The following TOX2 variants were observed in gnomAD, a reference collection of about 807,000 sequenced individuals.
The protein encoded by TOX2 is TOX high mobility group box family member 2.
Under a neutral mutation model 47.4 loss-of-function variants are expected in TOX2, and 15 were observed. The ratio of observed to expected loss-of-function variants is 0.32; its 90% confidence interval spans 0.21 to 0.49. The LOEUF (loss-of-function observed/expected upper bound fraction) is 0.49. TOX2 is among the 20% of genes least tolerant of loss of function. TOX2 has a pLI of 0.99. For missense variants in TOX2, 622 were observed against 673.1 expected (o/e 0.92, Z 0.84); for synonymous variants, 290 against 296.6 (o/e 0.98, Z 0.23).
intron 3 of TOX2, among the ~76,000 whole-genome samples, chr20:44,026,909 G>C (rs1160157050): frequency 6.6e-6 from 1 of 152,112 alleles, no homozygotes; most frequent in African/African-American, 2.4e-5. Flanking sequence ...AGCTTTTCCT[G>C]CCGCCTCCTC....
At chr20:43,978,384 C>T (rs2070116285) in intron 2 of TOX2, among the ~76,000 whole-genome samples, 1 of 152,206 alleles carries the variant, frequency 6.6e-6, no homozygotes, top group Non-Finnish European at 1.5e-5. Context: ...GAGCCCTCTT[C>T]AAGTCACTTT....
chr20:43,939,755 C>G (rs2069377025), intron 1 of TOX2, among the ~76,000 whole-genome samples: 1 of 152,180 alleles, frequency 6.6e-6, no homozygotes, highest in South Asian at 2.1e-4. Context: ...AAAAGAAAAA[C>G]AACTCATTTC....
intron 3 of TOX2, among the ~76,000 whole-genome samples, chr20:44,047,479 A>T (rs1011262771): frequency 1.4e-4 from 1 of 7,168 alleles, no homozygotes; most frequent in Non-Finnish European, 2.1e-4. Context: ...AAGTTGTCAA[A>T]TTTTTTTAAC....
At chr20:43,948,766 A>G (rs1448667761) in intron 1 of TOX2, among the ~76,000 whole-genome samples, 1 of 152,148 alleles carries the variant, frequency 6.6e-6, no homozygotes, top group Non-Finnish European at 1.5e-5. Context: ...AGATGGGGAG[A>G]TGGGGAGTGA....
chr20:43,986,262 T>TGTAG (rs2070262563), intron 2 of TOX2, among the ~76,000 whole-genome samples: 3 of 150,880 alleles, frequency 2.0e-5, no homozygotes, highest in African/African-American at 7.3e-5. Context: ...TTAAAATGTA[T>TGTAG]GTATGTATGT....
At chr20:43,929,952 C>T (rs1485332941) in intron 1 of TOX2, among the ~76,000 whole-genome samples, 1 of 152,210 alleles carries the variant, frequency 6.6e-6, no homozygotes, top group Non-Finnish European at 1.5e-5. Context: ...TCATGATCCA[C>T]CCGCCTCGGC....
chr20:44,017,538 G>A (rs920288639), intron 3 of TOX2, among the ~76,000 whole-genome samples: 6 of 152,178 alleles, frequency 3.9e-5, no homozygotes, highest in Non-Finnish European at 7.3e-5. Flanking sequence ...TCATGCCCAT[G>A]GGGCCAGATG....
chr20:43,917,476 T>TG (rs1315445132), intron 1 of TOX2, among the ~76,000 whole-genome samples: 1 of 152,092 alleles, frequency 6.6e-6, no homozygotes, highest in East Asian at 1.9e-4. Context: ...CACCCACACA[T>TG]GGGGGGCTCT....
rs550289717 is a variant in TOX2, at chr20:44,050,072, A to C, written c.412-1234A>C. Among the ~76,000 whole-genome samples, 6 of 152,378 alleles carry C rather than the reference A, an allele frequency of 3.9e-5. No homozygotes were observed. In the East Asian group the frequency reaches 1.2e-3, roughly 29 times the overall value. On this transcript the variant is annotated intron_variant, in intron 3 of 8. Coordinates refer to ENST00000341197, the MANE Select transcript of TOX2 (RefSeq NM_001098797.2). Reference sequence around the variant, plus strand: ...TTGAACAACTCTTGGATCAAAGAAGAAAGTAGATTTTAAATGTTCTCATCT... The same window carrying C: ...TTGAACAACTCTTGGATCAAAGAAGCAAGTAGATTTTAAATGTTCTCATCT...
chr20:43,984,324 C>T (rs2070225322), intron 2 of TOX2, among the ~76,000 whole-genome samples: 1 of 152,156 alleles, frequency 6.6e-6, no homozygotes, highest in Non-Finnish European at 1.5e-5. Context: ...AATTTAATAT[C>T]ACTTCACAGT....
intron 2 of TOX2, among the ~76,000 whole-genome samples, chr20:44,004,439 A>G (rs1336428282): frequency 3.3e-5 from 5 of 152,150 alleles, no homozygotes; most frequent in African/African-American, 9.7e-5. Context: ...GAAGGTGGAC[A>G]TGGTCATGGC....
At chr20:43,971,348 C>T (rs1018360542) in intron 1 of TOX2, among the ~76,000 whole-genome samples, 1 of 152,152 alleles carries the variant, frequency 6.6e-6, no homozygotes, top group African/African-American at 2.4e-5. Flanking sequence ...GGAACAAAGA[C>T]CAAGGGAAGG....
chr20:44,042,403 G>A (rs193287474), intron 3 of TOX2, among the ~76,000 whole-genome samples: 55 of 152,284 alleles, frequency 3.6e-4, no homozygotes, highest in Non-Finnish European at 6.3e-4. Context: ...TGAAAGCAGC[G>A]AGCAACACTG....
intron 1 of TOX2, among the ~76,000 whole-genome samples, chr20:43,968,573 C>T (rs1164784735): frequency 2.6e-5 from 4 of 151,992 alleles, no homozygotes; most frequent in Non-Finnish European, 5.9e-5. Context: ...GCTGTGTCCC[C>T]GGTGGCCGTC....
intron 5 of TOX2, among the ~76,000 whole-genome samples, chr20:44,062,529 A>G (rs2071739622): frequency 6.6e-6 from 1 of 152,294 alleles, no homozygotes; most frequent in East Asian, 1.9e-4. Context: ...TCCCATGCTC[A>G]TGGATGGGTA....
At chr20:43,926,201 C>T (rs2069165052) in intron 1 of TOX2, among the ~76,000 whole-genome samples, 1 of 152,136 alleles carries the variant, frequency 6.6e-6, no homozygotes, top group African/African-American at 2.4e-5. Flanking sequence ...AAGATGGACC[C>T]TGGGCCCTTT....
At chr20:43,957,156 C>G (rs748985904) in intron 1 of TOX2, among the ~76,000 whole-genome samples, 1 of 152,234 alleles carries the variant, frequency 6.6e-6, no homozygotes, top group Non-Finnish European at 1.5e-5. Context: ...ACATTCTGTT[C>G]TGTTTTCTGA....
At chr20:44,003,452 G>T (rs1231559195) in intron 2 of TOX2, among the ~76,000 whole-genome samples, 2 of 152,158 alleles carry the variant, frequency 1.3e-5, no homozygotes, top group Admixed American at 1.3e-4. Context: ...GCCTCCCAAA[G>T]TGCTGGGATT....
intron 3 of TOX2, among the ~76,000 whole-genome samples, chr20:44,026,228 G>GAGATATATATATATAT (rs1555842268): frequency 1.5e-4 from 9 of 60,244 alleles, no homozygotes; most frequent in Non-Finnish European, 2.8e-4. Context: ...AAGAAACTGT[G>GAGATATATATATATAT]ATATATATAT....
Sources: allele counts gnomAD v4.1 joint callset (sites outside exome capture counted in the v4.1 genomes callset), GRCh38; gene constraint gnomAD v4.1.1; transcripts MANE v1.5; gene names NCBI Gene and HGNC (gene_info 2026-07-23, HGNC 2026-07-21).